Variants in PPM1E observed in about 807,000 individuals in gnomAD.
PPM1E encodes protein phosphatase, Mg2+/Mn2+ dependent 1E, also known as protein phosphatase 1E.
In PPM1E, 20 loss-of-function variants were observed where a neutral mutation model predicts 65.9. That is an observed-to-expected ratio of 0.30 (90% confidence interval 0.21 to 0.44). The LOEUF is 0.44. Among genes scored for constraint, PPM1E ranks in the 20% least tolerant of loss-of-function variants. The pLI is 1.00. For synonymous variants in PPM1E, 352 were observed against 374.9 expected, an observed-to-expected ratio of 0.94 and a Z score of 0.70; for missense variants, 713 against 953.1, an observed-to-expected ratio of 0.75 and a Z score of 3.32.
At chr17:58,859,188 T>C (rs1183272711) in intron 1 of PPM1E, among the ~76,000 whole-genome samples, 2 of 152,178 alleles carry the variant, frequency 1.3e-5, no homozygotes, top group African/African-American at 2.4e-5. Context: ...GGTTACAGTT[T>C]GCTACGTTTC....
chr17:58,799,312 T>C (rs547045629), intron 1 of PPM1E, among the ~76,000 whole-genome samples: 2 of 152,002 alleles, frequency 1.3e-5, no homozygotes, highest in African/African-American at 4.8e-5. Context: ...CAAGGTCTTG[T>C]TCTGTCACCC....
intron 1 of PPM1E, among the ~76,000 whole-genome samples, chr17:58,945,338 T>C (rs1051786408): frequency 1.3e-5 from 2 of 152,152 alleles, no homozygotes; most frequent in African/African-American, 2.4e-5. Flanking sequence ...AGACGGGGTT[T>C]CATCATGTTG....
intron 1 of PPM1E, among the ~76,000 whole-genome samples, chr17:58,800,332 G>A (rs1290195918): frequency 6.6e-6 from 1 of 151,880 alleles, no homozygotes; most frequent in Non-Finnish European, 1.5e-5. Flanking sequence ...CTATTTTGTT[G>A]TAAATATTTA....
intron 1 of PPM1E, among the ~76,000 whole-genome samples, chr17:58,948,703 AT>A (rs1372409241): frequency 2.0e-5 from 3 of 152,114 alleles, no homozygotes; most frequent in African/African-American, 4.8e-5. Context: ...AGGTTTTGGT[AT>A]GTTGTGTTTC....
Position 58,917,230 on chromosome 17 carries a change from A to C in PPM1E, c.465-38419A>C, listed in dbSNP as rs144071736. The stretch of plus-strand genomic sequence containing the variant: ...GTCTCAAAAAAAAGAAAAAAAAAAA[A>C]AACTATCTGTATTCATTGAAAATTA... On this transcript the variant is annotated intron_variant, in intron 1 of 6. Transcript: ENST00000308249. Among the ~76,000 whole-genome samples, 294 of 151,900 alleles carry C rather than the reference A, an allele frequency of 1.9e-3. 2 individuals carry two copies. Among genetic ancestry groups the C allele is most frequent in the African/African-American group, 6.6e-3 (272 of 41,442 alleles).
intron 1 of PPM1E, among the ~76,000 whole-genome samples, chr17:58,780,171 T>C (rs1316955571): frequency 6.6e-6 from 1 of 152,244 alleles, no homozygotes; most frequent in Non-Finnish European, 1.5e-5. Flanking sequence ...CTTCAACTTA[T>C]CCTTCAGAAC....
chr17:58,891,349 G>A (rs1467367170), intron 1 of PPM1E, among the ~76,000 whole-genome samples: 1 of 152,132 alleles, frequency 6.6e-6, no homozygotes, highest in South Asian at 2.1e-4. Flanking sequence ...TTGAGATGGA[G>A]TCTTGCTCTG....
intron 1 of PPM1E, among the ~76,000 whole-genome samples, chr17:58,774,159 T>TCCC (rs71367625): frequency 7.5e-6 from 1 of 133,796 alleles, no homozygotes; most frequent in Non-Finnish European, 1.6e-5. Flanking sequence ...GGAAACTCTG[T>TCCC]CCCCCCCCCC....
chr17:58,773,933 A>AGGCG (rs1330289479), intron 1 of PPM1E, among the ~76,000 whole-genome samples: 1 of 152,074 alleles, frequency 6.6e-6, no homozygotes, highest in Non-Finnish European at 1.5e-5. Context: ...AGGCTGAGAC[A>AGGCG]GGCGGATCAG....
intron 1 of PPM1E, among the ~76,000 whole-genome samples, chr17:58,809,329 TC>T (rs1354631633): frequency 6.6e-6 from 1 of 152,088 alleles, no homozygotes; most frequent in Non-Finnish European, 1.5e-5. Context: ...CCTCAAGCGA[TC>T]CTCCCACCTT....
intron 1 of PPM1E, among the ~76,000 whole-genome samples, chr17:58,767,706 G>A (rs1824139756): frequency 6.6e-6 from 1 of 152,050 alleles, no homozygotes; most frequent in Admixed American, 6.6e-5. Flanking sequence ...GCAATGGCAC[G>A]ATCTCAGCTC....
intron 1 of PPM1E, among the ~76,000 whole-genome samples, chr17:58,935,600 G>C (rs1279155242): frequency 2.0e-5 from 3 of 152,150 alleles, no homozygotes; most frequent in Non-Finnish European, 4.4e-5. Flanking sequence ...ATGGAGAAAG[G>C]ATGACAAGAA....
At chr17:58,761,748 T>C (rs966987798) in intron 1 of PPM1E, among the ~76,000 whole-genome samples, 2 of 152,236 alleles carry the variant, frequency 1.3e-5, no homozygotes, top group Non-Finnish European at 2.9e-5. Flanking sequence ...CCCTTCTACG[T>C]TCCTTTCCAT....
At chr17:58,919,153 G>A (rs564924560) in intron 1 of PPM1E, among the ~76,000 whole-genome samples, 1 of 152,126 alleles carries the variant, frequency 6.6e-6, no homozygotes, top group Non-Finnish European at 1.5e-5. Flanking sequence ...AATGCCTAAA[G>A]GTTTTATGGC....
At chr17:58,956,456 A>AC (rs2029877942) in intron 2 of PPM1E, among the ~76,000 whole-genome samples, 1 of 58,768 alleles carries the variant, frequency 1.7e-5, no homozygotes, top group African/African-American at 5.4e-5. Flanking sequence ...AAAAAACAAA[A>AC]AACAAAAAAA....
chr17:58,886,428 G>A (rs533750842), intron 1 of PPM1E, among the ~76,000 whole-genome samples: 3 of 152,248 alleles, frequency 2.0e-5, no homozygotes, highest in South Asian at 2.1e-4. Context: ...CAAGCAAGTG[G>A]TAGTGAACAA....
At chr17:58,965,936 A>G in intron 3 of PPM1E, 43 bp downstream of exon 3, 1 of 1,561,608 alleles carries the variant, frequency 6.4e-7, no homozygotes, top group Non-Finnish European at 8.8e-7. Flanking sequence ...TTAAAGACAA[A>G]ACAAACACCT....
At chr17:58,798,518 C>G (rs1298887361) in intron 1 of PPM1E, among the ~76,000 whole-genome samples, 1 of 148,610 alleles carries the variant, frequency 6.7e-6, no homozygotes, top group African/African-American at 2.5e-5. Context: ...CCACCGCACA[C>G]GGCCCTATTT....
At chr17:58,852,677 C>A (rs1370123535) in intron 1 of PPM1E, among the ~76,000 whole-genome samples, 1 of 150,126 alleles carries the variant, frequency 6.7e-6, no homozygotes, top group Non-Finnish European at 1.5e-5. Flanking sequence ...GATCTCGGCT[C>A]ACTGCAACTT....
Sources: gnomAD v4.1 joint callset for allele counts (sites outside exome capture counted in the v4.1 genomes callset) on GRCh38, gnomAD v4.1.1 for gene constraint, MANE v1.5 for transcripts, NCBI Gene and HGNC (gene_info 2026-07-23, HGNC 2026-07-21) for gene names.